Variants in SIPA1L3 observed in about 807,000 individuals in gnomAD.
The protein encoded by SIPA1L3 is signal-induced proliferation-associated 1-like protein 3.
SIPA1L3 carries 59 observed loss-of-function variants against 150.1 expected under a neutral mutation model. The observed-to-expected ratio is 0.39, with a 90% CI of 0.32 to 0.49. The LOEUF (loss-of-function observed/expected upper bound fraction) is 0.49. SIPA1L3 is among the 20% of genes least tolerant of loss of function. The probability of loss-of-function intolerance (pLI) is 0.86; values close to 1 mark genes in which losing one functional copy is unlikely to be tolerated. For synonymous variants in SIPA1L3, 1,070 were observed against 1,077.6 expected, an observed-to-expected ratio of 0.99 and a Z score of 0.14; for missense variants, 2,211 against 2,489.5, an observed-to-expected ratio of 0.89 and a Z score of 2.38.
intron 16 of SIPA1L3, among the ~76,000 whole-genome samples, chr19:38,189,649 C>T (rs1448117199): frequency 6.6e-6 from 1 of 152,046 alleles, no homozygotes; most frequent in Non-Finnish European, 1.5e-5. Flanking sequence ...GCCTGTAATC[C>T]CAGCTACTCG....
At chr19:37,931,037 A>G (rs2046549377) in intron 1 of SIPA1L3, among the ~76,000 whole-genome samples, 1 of 152,202 alleles carries the variant, frequency 6.6e-6, no homozygotes, top group Non-Finnish European at 1.5e-5. Flanking sequence ...GAAAAGAAGG[A>G]TGGTAAGAGC....
rs891871137 is a variant in SIPA1L3, at chr19:38,206,606, G to C, written c.*366G>C. 4 of 185,240 alleles carry C rather than the reference G, an allele frequency of 2.2e-5. No individual in the cohort carries two copies. The highest frequency in any genetic ancestry group is 1.2e-4 in the Admixed American group (2 of 16,274). 11.5% of individuals were successfully genotyped at this position (185,240 alleles called of 1,614,324 possible). ...AGAGGAGCCAGTCTCCAGACGCCTC[G>C]GCTCCAGGAGGTCACACAGCAGGTT... On this transcript the variant is annotated 3_prime_UTR_variant, in exon 22 of 22. Transcript: ENST00000222345.
chr19:37,950,076 C>CAAAA (rs35506284), intron 1 of SIPA1L3, among the ~76,000 whole-genome samples: 42 of 55,628 alleles, frequency 7.6e-4, no homozygotes, highest in African/African-American at 2.0e-3. Context: ...GACTGTGTCT[C>CAAAA]AAAAAAAAAA....
At chr19:38,195,993 C>G (rs1972920174) in intron 18 of SIPA1L3, among the ~76,000 whole-genome samples, 1 of 152,076 alleles carries the variant, frequency 6.6e-6, no homozygotes, top group South Asian at 2.1e-4. Context: ...TCACACAGCA[C>G]ACACACACCC....
chr19:38,187,766 G>A (rs1344213114), intron 16 of SIPA1L3, among the ~76,000 whole-genome samples: 4 of 147,196 alleles, frequency 2.7e-5, no homozygotes, highest in East Asian at 4.0e-4. Context: ...CTTTTTTCAA[G>A]GCGAGTGGAT....
chr19:37,943,489 C>T (rs1465844128), intron 1 of SIPA1L3, among the ~76,000 whole-genome samples: 2 of 152,174 alleles, frequency 1.3e-5, no homozygotes, highest in African/African-American at 4.8e-5. Context: ...GGCCTTTTCA[C>T]CATTCCCACT....
At chr19:38,126,464 T>G (rs1381901802) in intron 9 of SIPA1L3, among the ~76,000 whole-genome samples, 2 of 152,144 alleles carry the variant, frequency 1.3e-5, no homozygotes, top group Non-Finnish European at 2.9e-5. Context: ...TATGACATTG[T>G]GAGTTTTTTT....
At position 38,046,011 on chromosome 19, in the gene SIPA1L3, C is replaced by T. The variant is rs902388611; in HGVS notation, c.-311+16855C>T. Reference sequence around the variant, plus strand: ...ACTTTCAAGCCTTGATGTCCTGACACTCTTCCTCCCCCAGGACAGTTTGTA... The same window carrying T: ...ACTTTCAAGCCTTGATGTCCTGACATTCTTCCTCCCCCAGGACAGTTTGTA... On this transcript the variant is annotated intron_variant, in intron 2 of 21. Coordinates refer to ENST00000222345, the MANE Select transcript of SIPA1L3 (RefSeq NM_015073.3). The surrounding 1 kb of genome is among the most constrained non-coding windows in gnomAD (Gnocchi z 5.6). Among the ~76,000 whole-genome samples the T allele has an allele frequency of 1.3e-5, 2 of 152,186 alleles. No homozygotes were observed. Among genetic ancestry groups the T allele is most frequent in the African/African-American group, 4.8e-5 (2 of 41,452 alleles).
At chr19:38,147,947 G>A (rs1207480661) in intron 12 of SIPA1L3, among the ~76,000 whole-genome samples, 1 of 152,172 alleles carries the variant, frequency 6.6e-6, no homozygotes, top group Non-Finnish European at 1.5e-5. Context: ...GGAGGCTGAG[G>A]TGGGAGGATT....
intron 1 of SIPA1L3, among the ~76,000 whole-genome samples, chr19:37,965,441 G>A (rs924647315): frequency 1.6e-4 from 24 of 151,244 alleles, no homozygotes; most frequent in Non-Finnish European, 2.8e-4. Context: ...TCAGCCTCCT[G>A]AGTAGCTGGG....
intron 4 of SIPA1L3, 111 bp from the exon 5 acceptor site, chr19:38,099,851 A>C: frequency 1.0e-6 from 1 of 957,020 alleles, no homozygotes; most frequent in Non-Finnish European, 1.5e-6. Flanking sequence ...CTTAGAGCAC[A>C]AACTTCCAAT....
intron 9 of SIPA1L3, among the ~76,000 whole-genome samples, chr19:38,129,386 G>A (rs1039430159): frequency 3.4e-4 from 52 of 152,100 alleles, no homozygotes; most frequent in Non-Finnish European, 7.2e-4. Context: ...AGCACTTTGG[G>A]AGGCCGAGGC....
At chr19:38,198,783 A>G (rs1255670175) in intron 19 of SIPA1L3, among the ~76,000 whole-genome samples, 1 of 152,158 alleles carries the variant, frequency 6.6e-6, no homozygotes, top group Non-Finnish European at 1.5e-5. Flanking sequence ...ACGATTACAC[A>G]AAACACCACG....
At chr19:38,104,235 C>T (rs2145865579) in intron 6 of SIPA1L3, among the ~76,000 whole-genome samples, 1 of 152,332 alleles carries the variant, frequency 6.6e-6, no homozygotes, top group South Asian at 2.1e-4. Flanking sequence ...GCCATCATCA[C>T]CTTCCCCTGC....
intron 5 of SIPA1L3, among the ~76,000 whole-genome samples, chr19:38,100,393 G>A (rs886622205): frequency 6.6e-6 from 1 of 152,174 alleles, no homozygotes; most frequent in Non-Finnish European, 1.5e-5. Flanking sequence ...GTCCCCATGT[G>A]TGCATGCATA....
chr19:38,082,955 C>T lies in SIPA1L3; in HGVS notation c.1390C>T (p.Leu464=), dbSNP rs76428182. 1 of 1,613,030 alleles carries T rather than the reference C, an allele frequency of 6.2e-7. No individual in the cohort carries two copies. The highest frequency in any genetic ancestry group is 8.5e-7 in the Non-Finnish European group (1 of 1,179,848). ...SGEGHLAEPA[L]SAYRTNASIS... is the part of the protein sequence containing the mutation. ...CGAGGGCCACCTGGCAGAGCCCGCC[C>T]TGAGCGCCTACCGCACCAACGCCAG... Residue 464 remains leucine (L), a synonymous_variant, in exon 3 of 22, where the codon CTG becomes TTG. Transcript: ENST00000222345.
Position 38,208,295 on chromosome 19 carries a change from T to G in SIPA1L3, c.*2055T>G, listed in dbSNP as rs1306028879. The G allele has an allele frequency of 6.6e-6, 1 of 152,596 alleles. No homozygotes were observed. The highest frequency in any genetic ancestry group is 1.5e-5 in the Non-Finnish European group (1 of 68,004). The allele number at this position is 152,596 out of a possible 1,614,324, so 9.5% of individuals were successfully genotyped here. On this transcript the variant is annotated 3_prime_UTR_variant, in exon 22 of 22. Transcript: ENST00000222345. Reference sequence around the variant, plus strand: ...TTTTATTATTCTTTATTGTCTTTTTTTTTTCCCCATCCCTGTCTTGAGATT... The same window carrying G: ...TTTTATTATTCTTTATTGTCTTTTTGTTTTCCCCATCCCTGTCTTGAGATT...
At chr19:38,155,175 T>C (rs1370396749) in intron 13 of SIPA1L3, among the ~76,000 whole-genome samples, 1 of 152,218 alleles carries the variant, frequency 6.6e-6, no homozygotes, top group Non-Finnish European at 1.5e-5. Context: ...CACCAGCCTC[T>C]GTGTTTCATT....
At position 38,162,052 on chromosome 19, in the gene SIPA1L3, G is replaced by A. The variant is rs573871852; in HGVS notation, c.3662-201G>A. Among the ~76,000 whole-genome samples, 51 of 152,294 alleles carry A rather than the reference G, an allele frequency of 3.3e-4. 2 individuals carry two copies. The South Asian group carries it at 4.8e-3, about 14-fold the overall frequency. On this transcript the variant is annotated intron_variant, in intron 13 of 21. Transcript: ENST00000222345. ...GAGAGAGGGAAATGGGATATTGCAC[G>A]GCTTCAGTGAGGCCCTCAGAACGGT...
Sources: gnomAD v4.1 joint callset for allele counts (sites outside exome capture counted in the v4.1 genomes callset) on GRCh38, gnomAD v4.1.1 for gene constraint, Gnocchi (gnomAD v3.1) non-coding constraint, MANE v1.5 for transcripts, NCBI Gene and HGNC (gene_info 2026-07-23, HGNC 2026-07-21) for gene names.